ARHGAP24: variants seen among roughly 807,000 people sequenced by gnomAD.
The protein encoded by ARHGAP24 is rho GTPase-activating protein 24.
A neutral mutation model predicts 76.4 loss-of-function variants in ARHGAP24; 50 were observed. The ratio of observed to expected loss-of-function variants is 0.65; its 90% CI spans 0.52 to 0.83. ARHGAP24 has a LOEUF of 0.83. Among genes scored for constraint, ARHGAP24 ranks in the 40% least tolerant of loss-of-function variants. The pLI, the probability that ARHGAP24 is intolerant of heterozygous loss-of-function variation, is 0.00. For missense variants in ARHGAP24, 930 were observed against 914.2 expected (o/e 1.02, Z -0.22); for synonymous variants, 345 against 323.3 (o/e 1.07, Z -0.72).
At chr4:85,686,114 G>C (rs1399908679) in intron 2 of ARHGAP24, among the ~76,000 whole-genome samples, 1 of 152,208 alleles carries the variant, frequency 6.6e-6, no homozygotes, top group Non-Finnish European at 1.5e-5. Flanking sequence ...CTCTCCCAGA[G>C]AAGGTCCCAA....
chr4:85,510,391 C>G (rs1449511126), intron 1 of ARHGAP24, among the ~76,000 whole-genome samples: 1 of 151,948 alleles, frequency 6.6e-6, no homozygotes, highest in Non-Finnish European at 1.5e-5. Flanking sequence ...GCATATTTTC[C>G]CTCCTAATGT....
intron 5 of ARHGAP24, among the ~76,000 whole-genome samples, chr4:85,968,978 G>T (rs980774920): frequency 6.6e-6 from 1 of 152,058 alleles, no homozygotes; most frequent in Non-Finnish European, 1.5e-5. Flanking sequence ...CTCTTATAAT[G>T]TATCACTTCT....
intron 3 of ARHGAP24, among the ~76,000 whole-genome samples, chr4:85,756,260 A>G (rs900595144): frequency 6.6e-6 from 1 of 152,366 alleles, no homozygotes; most frequent in Admixed American, 6.5e-5. Flanking sequence ...AAATAATTGC[A>G]ATTATGTAAG....
chr4:85,797,321 C>G (rs762703325), intron 3 of ARHGAP24, among the ~76,000 whole-genome samples: 2 of 151,950 alleles, frequency 1.3e-5, no homozygotes, highest in African/African-American at 4.8e-5. Context: ...TACAGGCGCC[C>G]GCCACCACGC....
chr4:85,790,612 A>G (rs1382838305), intron 3 of ARHGAP24, among the ~76,000 whole-genome samples: 1 of 152,172 alleles, frequency 6.6e-6, no homozygotes, highest in Non-Finnish European at 1.5e-5. Flanking sequence ...AAGCATAAAG[A>G]CAGACTCTTG....
chr4:85,637,952 T>G (rs1721386090), intron 2 of ARHGAP24, among the ~76,000 whole-genome samples: 1 of 152,130 alleles, frequency 6.6e-6, no homozygotes. Context: ...ATTCAGAATC[T>G]ACATTCTCTT....
At chr4:85,608,809 C>T (rs984105209) in intron 2 of ARHGAP24, among the ~76,000 whole-genome samples, 177 of 152,234 alleles carry the variant, frequency 1.2e-3, no homozygotes, top group Non-Finnish European at 1.9e-3. Flanking sequence ...ATCTGCACGC[C>T]TCAGCCTCCC....
intron 3 of ARHGAP24, among the ~76,000 whole-genome samples, chr4:85,848,994 G>A (rs1731059409): frequency 6.6e-6 from 1 of 151,288 alleles, no homozygotes; most frequent in African/African-American, 2.4e-5. Flanking sequence ...AAAGTCATTG[G>A]TAGCTTGATG....
At chr4:85,848,876 A>G (rs1000337175) in intron 3 of ARHGAP24, among the ~76,000 whole-genome samples, 15 of 152,206 alleles carry the variant, frequency 9.9e-5, no homozygotes, top group Non-Finnish European at 1.8e-4. Context: ...GAAGTCAGGT[A>G]GCATGATGTT....
At chr4:85,776,724 C>T (rs1176060537) in intron 3 of ARHGAP24, among the ~76,000 whole-genome samples, 1 of 152,100 alleles carries the variant, frequency 6.6e-6, no homozygotes, top group Admixed American at 6.6e-5. Context: ...CAATCTGTGA[C>T]TTCTCTTCAC....
chr4:85,779,302 A>G (rs1727432169), intron 3 of ARHGAP24, among the ~76,000 whole-genome samples: 2 of 152,186 alleles, frequency 1.3e-5, no homozygotes, highest in African/African-American at 4.8e-5. Flanking sequence ...ATACTTTAGC[A>G]TTACAAAATG....
intron 1 of ARHGAP24, among the ~76,000 whole-genome samples, 184 bp downstream of exon 1, chr4:85,475,743 T>A (rs1722566864): frequency 7.2e-6 from 1 of 139,096 alleles, no homozygotes; most frequent in African/African-American, 2.8e-5. Context: ...CGGGGAGGGA[T>A]CGCAGGAATC....
intron 2 of ARHGAP24, among the ~76,000 whole-genome samples, chr4:85,625,040 T>C (rs935711090): frequency 3.3e-5 from 5 of 152,228 alleles, no homozygotes; most frequent in African/African-American, 1.2e-4. Flanking sequence ...AATTCATTAA[T>C]TTTTTGAAGG....
chr4:85,514,695 T>G (rs1162419145), intron 1 of ARHGAP24, among the ~76,000 whole-genome samples: 1 of 151,826 alleles, frequency 6.6e-6, no homozygotes, highest in Non-Finnish European at 1.5e-5. Context: ...AAGAAAGCCC[T>G]TGATGAAGCT....
At chr4:85,694,719 A>G (rs1056194375) in intron 2 of ARHGAP24, among the ~76,000 whole-genome samples, 2 of 152,152 alleles carry the variant, frequency 1.3e-5, no homozygotes, top group African/African-American at 4.8e-5. Context: ...GTATACATAT[A>G]TTTATTGATA....
intron 2 of ARHGAP24, among the ~76,000 whole-genome samples, chr4:85,587,630 A>C (rs1036090543): frequency 5.3e-5 from 8 of 152,164 alleles, no homozygotes; most frequent in Non-Finnish European, 1.5e-5. Flanking sequence ...TATACACTTT[A>C]GTCAAATTGA....
intron 3 of ARHGAP24, among the ~76,000 whole-genome samples, chr4:85,755,931 C>T (rs1726474446): frequency 6.6e-6 from 1 of 152,046 alleles, no homozygotes; most frequent in Non-Finnish European, 1.5e-5. Flanking sequence ...CCGCGCTAGG[C>T]CTGGAAAGTT....
At chr4:85,714,199 TG>T (rs1325410507) in intron 2 of ARHGAP24, among the ~76,000 whole-genome samples, 1 of 152,196 alleles carries the variant, frequency 6.6e-6, no homozygotes, top group African/African-American at 2.4e-5. Context: ...CATGTTCTCC[TG>T]TTCTGTCCAG....
chr4:85,476,098 T>C (rs1578173929), intron 1 of ARHGAP24, among the ~76,000 whole-genome samples: 1 of 149,154 alleles, frequency 6.7e-6, no homozygotes, highest in Non-Finnish European at 1.5e-5. Flanking sequence ...ATAAAATATA[T>C]ACATATATTT....
Sources: gnomAD v4.1 joint callset for allele counts (sites outside exome capture counted in the v4.1 genomes callset) on GRCh38, gnomAD v4.1.1 for gene constraint, MANE v1.5 for transcripts, NCBI Gene and HGNC (gene_info 2026-07-23, HGNC 2026-07-21) for gene names.